Variants in TPM2 observed in about 807,000 individuals in gnomAD.
TPM2 encodes tropomyosin 2.
Under a neutral mutation model 41.0 loss-of-function variants are expected in TPM2, and 26 were observed. That is an observed-to-expected ratio of 0.63 (90% CI 0.46 to 0.88). The LOEUF (loss-of-function observed/expected upper bound fraction) is 0.88, where lower values mean the gene tolerates loss of function less well. TPM2 is among the 40% of genes least tolerant of loss of function. The pLI is 0.00. For missense variants in TPM2, 187 were observed against 355.2 expected, an observed-to-expected ratio of 0.53 and a Z score of 3.81; for synonymous variants, 143 against 139.3, an observed-to-expected ratio of 1.03 and a Z score of -0.19.
intron 2 of TPM2, among the ~76,000 whole-genome samples, chr9:35,686,972 C>T (rs530230982): frequency 2.0e-5 from 3 of 152,354 alleles, no homozygotes; most frequent in Admixed American, 6.5e-5. Context: ...TTAAGAGCAT[C>T]GGCTCTGAGT....
At chr9:35,686,427 C>T (rs187707943) in intron 2 of TPM2, 104 of 157,032 alleles carry the variant, frequency 6.6e-4, no homozygotes, top group Non-Finnish European at 1.2e-3. Context: ...CTGATTCCTA[C>T]ACAGCAAAGC....
downstream of TPM2, chr9:35,682,826 G>C: frequency 2.2e-6 from 3 of 1,389,208 alleles, no homozygotes; most frequent in Non-Finnish European, 2.9e-6. Context: ...GGTGGGCTCA[G>C]TGCAGGGGCT....
chr9:35,684,128 G>A, intron 8 of TPM2, 118 bp downstream of exon 8: 4 of 990,288 alleles, frequency 4.0e-6, no homozygotes, highest in South Asian at 2.6e-5. Context: ...TGGGGAGTTG[G>A]TAGGGTCCTA....
chr9:35,684,783 C>T lies in TPM2; in HGVS notation c.588G>A (p.Glu196=), dbSNP rs777013950. The change falls in exon 6 of 9, where the codon GAG becomes GAA. Residue 196 remains glutamate, a synonymous_variant. Coordinates refer to ENST00000645482, the MANE Select transcript of TPM2 (RefSeq NM_003289.4). ...AESKCGDLEE[E]LKIVTNNLKS... ...TCAAGTTGTTGGTAACAATTTTCAG[C>T]TCCTCCTCTAGGTCCCCACATTTAC... is the stretch of plus-strand genomic sequence containing the variant. 1.9e-6 allele frequency: 3 copies of T among 1,613,092 alleles called. No individual in the cohort carries two copies. The highest frequency in any genetic ancestry group is 1.7e-5 in the Admixed American group (1 of 59,852).
chr9:35,689,277 A>T lies in TPM2; in HGVS notation c.115-6T>A. 6.2e-7 allele frequency: 1 copy of T among 1,613,970 alleles called. No homozygotes were observed. The highest frequency in any genetic ancestry group is 8.5e-7 in the Non-Finnish European group (1 of 1,179,872). ...GCCTGCTGCTCCTCCTCCAGCTGGG[A>T]CAGAGGGGACTTGGTCAGCCAGGCT... On this transcript the variant is annotated splice_polypyrimidine_tract_variant and splice_region_variant and intron_variant, in intron 1 of 8. Transcript: ENST00000645482.
downstream of TPM2, chr9:35,682,854 C>G (rs1293568862): frequency 7.0e-7 from 1 of 1,432,924 alleles, no homozygotes; most frequent in East Asian, 3.2e-5. Context: ...TCAGTAAGTG[C>G]CAGGGTGTCA....
At chr9:35,688,056 C>A (rs553827437) in intron 2 of TPM2, among the ~76,000 whole-genome samples, 2 of 152,304 alleles carry the variant, frequency 1.3e-5, no homozygotes, top group South Asian at 4.1e-4. Flanking sequence ...CCCTGTCCCC[C>A]CTGCCCCTCC....
rs768527646 is a variant in TPM2 at position 35,685,542 on chromosome 9, C to T, written c.384G>A (p.Lys128=). The T allele has an allele frequency of 8.7e-6, 14 of 1,614,212 alleles. No individual in the cohort carries two copies. The East Asian group carries it at 2.5e-4, about 28-fold the overall frequency. Residue 128 remains lysine (K), a synonymous_variant, in exon 4 of 9, where the codon AAG becomes AAA. Coordinates refer to ENST00000645482, the MANE Select transcript of TPM2 (RefSeq NM_003289.4). This position sits in a 1 kb window ranked among gnomAD's most constrained non-coding sequence, Gnocchi z 5.0. ...KAADESERGM[K]VIENRAMKDE... ...CCTTCATGGCCCGGTTTTCGATGAC[C>T]TTCATTCCTCTGAAAGGCAGGGAGA...
rs771618736 is a variant in TPM2 at position 35,684,358 on chromosome 9, C to CCCT, written c.703-46_703-44dup. On this transcript the variant is annotated intron_variant, in intron 7 of 8. Coordinates refer to ENST00000645482, the MANE Select transcript of TPM2 (RefSeq NM_003289.4). Reference sequence around the variant, plus strand: ...ATGGGAGAAATGGCAAAGAATTAGGCCCTCCCACAGACTACTGCCTAAGTC... The same window carrying CCCT: ...ATGGGAGAAATGGCAAAGAATTAGGCCCTCCTCCCACAGACTACTGCCTAAGTC... 5.6e-5 allele frequency: 91 copies of CCCT among 1,611,700 alleles called. No homozygotes were observed. In the African/African-American group the frequency reaches 1.0e-3, roughly 18 times the overall value.
At position 35,689,863 on chromosome 9, in the gene TPM2, C is replaced by T. The variant is rs1437784353; in HGVS notation, c.-46G>A. 1 of 1,611,856 alleles carries T rather than the reference C, an allele frequency of 6.2e-7. No homozygotes were observed. Among genetic ancestry groups the T allele is most frequent in the Non-Finnish European group, 8.5e-7 (1 of 1,179,076 alleles). On this transcript the variant is annotated 5_prime_UTR_variant, in exon 1 of 9. Transcript: ENST00000645482. ...CGGCCGGCAGGCGGTGAGGACCGGA[C>T]GGACTGGGCTGGGTGAGCGGACTGG...
intron 8 of TPM2, 120 bp downstream of exon 8, chr9:35,684,126 T>C: frequency 1.0e-6 from 1 of 958,676 alleles, no homozygotes; most frequent in East Asian, 2.5e-5. Flanking sequence ...GTTGGGGAGT[T>C]GGTAGGGTCC....
downstream of TPM2, chr9:35,682,118 G>C: frequency 6.2e-7 from 1 of 1,614,220 alleles, no homozygotes; most frequent in Non-Finnish European, 8.5e-7. Flanking sequence ...CTGGTCCAAG[G>C]TCTGGTGAAT....
rs772500984 is a variant in TPM2, at chr9:35,685,228, C to T, written c.563+41G>A. 1.6e-5 allele frequency: 26 copies of T among 1,614,070 alleles called. No homozygotes were observed. The South Asian group carries it at 2.7e-4, about 17-fold the overall frequency. On this transcript the variant is annotated intron_variant, in intron 5 of 8. Coordinates refer to ENST00000645482, the MANE Select transcript of TPM2 (RefSeq NM_003289.4). The surrounding 1 kb of genome is among the most constrained non-coding windows in gnomAD (Gnocchi z 5.0). ...TACCTTCCCACTGTGTGGAAGGCCC[C>T]AGGGCCAATGGGCTCACTTGTCACC...
At position 35,685,250 on chromosome 9, in the gene TPM2, C is replaced by T. The variant is rs1370929788; in HGVS notation, c.563+19G>A. The T allele has an allele frequency of 6.2e-7, 1 of 1,614,200 alleles. No homozygotes were observed. Among genetic ancestry groups the T allele is most frequent in the Non-Finnish European group, 8.5e-7 (1 of 1,180,032 alleles). On this transcript the variant is annotated intron_variant, in intron 5 of 8. Coordinates refer to ENST00000645482, the MANE Select transcript of TPM2 (RefSeq NM_003289.4). The surrounding 1 kb of genome is among the most constrained non-coding windows in gnomAD (Gnocchi z 5.0). ...CCCCAGGGCCAATGGGCTCACTTGT[C>T]ACCCCCGGGTATCTTTACCTCTCGG...
At chr9:35,682,567 T>C, downstream of TPM2, 2 of 1,238,846 alleles carry the variant, frequency 1.6e-6, no homozygotes, top group Non-Finnish European at 2.1e-6. Context: ...ATCCAACATT[T>C]TTCCAAGCTC....
chr9:35,687,895 C>A (rs1476693731), intron 2 of TPM2, among the ~76,000 whole-genome samples: 1 of 152,056 alleles, frequency 6.6e-6, no homozygotes, highest in Non-Finnish European at 1.5e-5. Flanking sequence ...ACAGGACAGG[C>A]ACTACTGTCC....
chr9:35,682,260 G>C, downstream of TPM2: 1 of 1,304,354 alleles, frequency 7.7e-7, no homozygotes, highest in South Asian at 1.2e-5. Flanking sequence ...CATGGAGTGG[G>C]TCAAGGAAGA....
Position 35,689,905 on chromosome 9 carries a change from CGAG to C in TPM2, c.-91_-89del. The C allele has an allele frequency of 7.5e-6, 12 of 1,604,180 alleles. 1 individual carries two copies. Among genetic ancestry groups the C allele is most frequent in the Middle Eastern group, 1.7e-4 (1 of 6,022 alleles). On this transcript the variant is annotated 5_prime_UTR_variant, in exon 1 of 9. Coordinates refer to ENST00000645482, the MANE Select transcript of TPM2 (RefSeq NM_003289.4). ...GCGGACTGGGTGCACCGGTGGCAGG[CGAG>C]GAGGACGGAGCGGGACTGGGACGTC...
At position 35,684,321 on chromosome 9, in the gene TPM2, G is replaced by A. The variant is rs1419414531; in HGVS notation, c.703-6C>T. On this transcript the variant is annotated splice_polypyrimidine_tract_variant and splice_region_variant and intron_variant, in intron 7 of 8. Coordinates refer to ENST00000645482, the MANE Select transcript of TPM2 (RefSeq NM_003289.4). Reference sequence around the variant, plus strand: ...AACTCTGCTCGGGTCTCAGCCTGGGGGTAAAGGCAGGATGGGAGAAATGGC... The same window carrying A: ...AACTCTGCTCGGGTCTCAGCCTGGGAGTAAAGGCAGGATGGGAGAAATGGC... 1.2e-6 allele frequency: 2 copies of A among 1,613,992 alleles called. No individual in the cohort carries two copies. The highest frequency in any genetic ancestry group is 2.7e-5 in the African/African-American group (2 of 74,906).
Sources: allele counts gnomAD v4.1 joint callset (sites outside exome capture counted in the v4.1 genomes callset), GRCh38; gene constraint gnomAD v4.1.1; non-coding constraint Gnocchi (gnomAD v3.1); transcripts MANE v1.5; gene names NCBI Gene and HGNC (gene_info 2026-07-23, HGNC 2026-07-21).